Variants in MBNL2 observed in about 807,000 individuals in gnomAD.
MBNL2 encodes muscleblind like splicing regulator 2.
A neutral mutation model predicts 41.9 loss-of-function variants in MBNL2; 17 were observed. That is an observed-to-expected ratio of 0.41 (90% CI 0.28 to 0.61). The LOEUF (loss-of-function observed/expected upper bound fraction) is 0.61. Among genes scored for constraint, MBNL2 ranks in the 20% least tolerant of loss-of-function variants. The pLI is 0.35. For missense variants in MBNL2, 336 were observed against 505.6 expected (o/e 0.66, Z 3.22); for synonymous variants, 195 against 182.9 (o/e 1.07, Z -0.53).
upstream of MBNL2, among the ~76,000 whole-genome samples, chr13:97,218,418 AC>A (rs2040557500): frequency 9.1e-6 from 1 of 110,370 alleles, no homozygotes; most frequent in Non-Finnish European, 1.8e-5. Flanking sequence ...TCAAAAAAAA[AC>A]AAAAACAAAA....
At chr13:97,154,474 C>A in the MBNL2 span, among the ~76,000 whole-genome samples, 1 of 151,988 alleles carries the variant, frequency 6.6e-6, no homozygotes, top group Non-Finnish European at 1.5e-5. Flanking sequence ...ACCACCACAC[C>A]GAGCTAATTT....
At chr13:97,337,064 G>A (rs1025271783) in intron 3 of MBNL2, among the ~76,000 whole-genome samples, 1 of 152,078 alleles carries the variant, frequency 6.6e-6, no homozygotes, top group Admixed American at 6.5e-5. Context: ...AATTCACGTT[G>A]AGTCCTAACC....
In MBNL2 at chr13:97,232,890, T is replaced by TGTGTGCGC. The variant is rs1491513676; in HGVS notation, c.-605+10360_-605+10361insTGTGCGCG. 2.8e-4 allele frequency among the ~76,000 whole-genome samples: 38 copies of TGTGTGCGC among 134,568 alleles called. No individual in the cohort carries two copies. The South Asian group carries it at 3.9e-3, about 14-fold the overall frequency. 88.3% of individuals were successfully genotyped at this position (134,568 alleles called of 152,430 possible). A position where few individuals can be genotyped will look rare whatever the true frequency, so the allele number is the denominator to read the frequency against. On this transcript the variant is annotated intron_variant, in intron 1 of 8. Coordinates refer to ENST00000679496, the MANE Select transcript of MBNL2 (RefSeq NM_001382683.1). Reference sequence around the variant, plus strand: ...GTGTGTGTGTGTGTGTGTGTGTGTGTGCGCACGTACACTGAATGAACTTAA... The same window carrying TGTGTGCGC: ...GTGTGTGTGTGTGTGTGTGTGTGTGTGTGTGCGCGCGCACGTACACTGAATGAACTTAA...
At position 97,391,502 on chromosome 13, in the gene MBNL2, T is replaced by TATC; in HGVS notation, c.*54_*56dup. 1 of 803,348 alleles carries TATC rather than the reference T, an allele frequency of 1.2e-6. No individual in the cohort carries two copies. The highest frequency in any genetic ancestry group is 2.2e-6 in the Non-Finnish European group (1 of 447,292). The allele number at this position is 803,348 out of a possible 1,614,324, so 49.8% of individuals were successfully genotyped here. A position where few individuals can be genotyped will look rare whatever the true frequency, so the allele number is the denominator to read the frequency against. Reference sequence around the variant, plus strand: ...CACAACTCTAAGAAGCTAGTGCTGCTATCTCATATATGAGTATTAAATATG... The same window carrying TATC: ...CACAACTCTAAGAAGCTAGTGCTGCTATCATCTCATATATGAGTATTAAATATG... On this transcript the variant is annotated 3_prime_UTR_variant, in exon 9 of 9. Coordinates refer to ENST00000679496, the MANE Select transcript of MBNL2 (RefSeq NM_001382683.1).
chr13:97,181,443 A>C, the MBNL2 span, among the ~76,000 whole-genome samples: 5 of 152,224 alleles, frequency 3.3e-5, no homozygotes, highest in Admixed American at 6.5e-5. Flanking sequence ...CTAATCTGAT[A>C]GAATCAAACT....
chr13:97,309,145 A>G (rs2058366642), intron 2 of MBNL2, among the ~76,000 whole-genome samples: 1 of 152,226 alleles, frequency 6.6e-6, no homozygotes, highest in South Asian at 2.1e-4. Flanking sequence ...ACAACAACAC[A>G]TAGGAACAGG....
chr13:97,326,561 T>A (rs138714220), intron 2 of MBNL2, among the ~76,000 whole-genome samples: 7 of 152,368 alleles, frequency 4.6e-5, no homozygotes, highest in African/African-American at 1.7e-4. Flanking sequence ...ATAATCTTGA[T>A]GATACTGGTA....
Position 97,346,713 on chromosome 13 carries a change from G to A in MBNL2, c.541-91G>A. 1 of 1,023,830 alleles carries A rather than the reference G, an allele frequency of 9.8e-7. No individual in the cohort carries two copies. The highest frequency in any genetic ancestry group is 2.4e-5 in the Admixed American group (1 of 41,012). The allele number at this position is 1,023,830 out of a possible 1,614,324, so 63.4% of individuals were successfully genotyped here. The stretch of plus-strand genomic sequence containing the variant: ...TACATGAGCCACCATTGAAAGCGAG[G>A]CAGCCTCCGCTCCTCCCGCGGTGGC... On this transcript the variant is annotated intron_variant, in intron 4 of 8. Transcript: ENST00000679496. This position sits in a 1 kb window ranked among gnomAD's most constrained non-coding sequence, Gnocchi z 4.2.
At chr13:97,181,143 T>C in the MBNL2 span, among the ~76,000 whole-genome samples, 91 of 152,152 alleles carry the variant, frequency 6.0e-4, no homozygotes, top group African/African-American at 2.1e-3. Context: ...TCCCCTTCTG[T>C]GACCCTTCTG....
chr13:97,171,464 T>C, the MBNL2 span, among the ~76,000 whole-genome samples: 2 of 152,156 alleles, frequency 1.3e-5, no homozygotes, highest in Non-Finnish European at 2.9e-5. Flanking sequence ...ATTAGAGCTG[T>C]AAAAAAATTT....
the MBNL2 span, among the ~76,000 whole-genome samples, chr13:97,177,460 C>T: frequency 1.3e-5 from 2 of 152,000 alleles, no homozygotes; most frequent in Non-Finnish European, 2.9e-5. Flanking sequence ...TATGGTAACA[C>T]AAATCAATAA....
intron 1 of MBNL2, among the ~76,000 whole-genome samples, chr13:97,229,192 T>C (rs2042057905): frequency 6.7e-6 from 1 of 150,224 alleles, no homozygotes; most frequent in Non-Finnish European, 1.5e-5. Context: ...GCAATATATA[T>C]TGTCTAAATG....
At chr13:97,234,135 C>T (rs537337476) in intron 1 of MBNL2, among the ~76,000 whole-genome samples, 88 of 152,198 alleles carry the variant, frequency 5.8e-4, no homozygotes, top group African/African-American at 2.1e-3. Flanking sequence ...GACCCTATGG[C>T]GCATACAAGC....
At chr13:97,183,587 G>A in the MBNL2 span, among the ~76,000 whole-genome samples, 6 of 152,120 alleles carry the variant, frequency 3.9e-5, no homozygotes, top group Non-Finnish European at 8.8e-5. Flanking sequence ...GCACATAGTG[G>A]CCAGCACCTG....
chr13:97,210,981 G>A, the MBNL2 span, among the ~76,000 whole-genome samples: 9 of 152,016 alleles, frequency 5.9e-5, no homozygotes, highest in African/African-American at 2.2e-4. Context: ...GTGGTGAAAG[G>A]GTAGCAGGGA....
the MBNL2 span, among the ~76,000 whole-genome samples, chr13:97,144,970 G>A: frequency 6.6e-6 from 1 of 152,274 alleles, no homozygotes; most frequent in African/African-American, 2.4e-5. Context: ...AAACTTACAG[G>A]CACATGGTAG....
At chr13:97,151,224 G>A in the MBNL2 span, among the ~76,000 whole-genome samples, 1 of 152,152 alleles carries the variant, frequency 6.6e-6, no homozygotes. Flanking sequence ...GAATGGCGGT[G>A]GCAGATGCTT....
chr13:97,326,450 G>C (rs1463790), intron 2 of MBNL2, among the ~76,000 whole-genome samples: 92,779 of 152,120 alleles, frequency 0.61, 30,932 homozygotes, highest in African/African-American at 0.9. Flanking sequence ...AAATGTTGTG[G>C]TATTCACCAA....
chr13:97,328,355 C>T (rs2153053013), intron 2 of MBNL2, among the ~76,000 whole-genome samples: 1 of 152,274 alleles, frequency 6.6e-6, no homozygotes. Context: ...CCCTGGCCAG[C>T]TTTGGGGTCT....
Sources: gnomAD v4.1 joint callset for allele counts (sites outside exome capture counted in the v4.1 genomes callset) on GRCh38, gnomAD v4.1.1 for gene constraint, Gnocchi (gnomAD v3.1) non-coding constraint, MANE v1.5 for transcripts, NCBI Gene and HGNC (gene_info 2026-07-23, HGNC 2026-07-21) for gene names.